Variants in TXNDC9 observed in about 807,000 individuals in gnomAD.
TXNDC9 encodes the protein thioredoxin domain-containing protein 9.
A neutral mutation model predicts 23.0 loss-of-function variants in TXNDC9; 7 were observed. The ratio of observed to expected loss-of-function variants is 0.30; its 90% CI spans 0.17 to 0.57. The LOEUF is 0.57. Ranked by LOEUF, TXNDC9 falls within the 20% of genes least tolerant of loss-of-function variation. The pLI is 0.90. For missense variants in TXNDC9, 198 were observed against 252.6 expected (o/e 0.78, Z 1.47); for synonymous variants, 72 against 90.6 (o/e 0.79, Z 1.17).
downstream of TXNDC9, among the ~76,000 whole-genome samples, chr2:99,315,791 A>G (rs1347802089): frequency 6.6e-6 from 1 of 152,222 alleles, no homozygotes; most frequent in Non-Finnish European, 1.5e-5. Context: ...CCAAACATCA[A>G]CTGACTACAA....
chr2:99,322,480 T>C, intron 3 of TXNDC9: 2 of 1,370,896 alleles, frequency 1.5e-6, no homozygotes, highest in South Asian at 1.7e-5. Context: ...CTTTAAGTCA[T>C]AAAGGAAGTT....
chr2:99,333,074 C>T lies in TXNDC9; in HGVS notation c.137G>A (p.Arg46His), dbSNP rs767681836. 9.3e-6 allele frequency: 15 copies of T among 1,613,920 alleles called. No homozygotes were observed. Among genetic ancestry groups the T allele is most frequent in the East Asian group, 6.7e-5 (3 of 44,874 alleles). Reference sequence around the variant, plus strand: ...TGCCTGGAGTCTCTTTTCTTTAAGGCGTTCCAATTCATCCTCATCCATCTG... The same window carrying T: ...TGCCTGGAGTCTCTTTTCTTTAAGGTGTTCCAATTCATCCTCATCCATCTG... ...LDQMDEDELE[R>H]LKEKRLQALR... is the part of the protein sequence containing the mutation. Residue 46 changes from arginine (R) to histidine (H), a missense_variant, in exon 2 of 5, where the codon CGC (arginine) becomes CAC (histidine). Arg to His is a conservative substitution (Grantham distance 29, BLOSUM62 0). Coordinates refer to ENST00000264255, the MANE Select transcript of TXNDC9 (RefSeq NM_005783.4).
At chr2:99,322,458 A>G (rs1159474197) in intron 3 of TXNDC9, 2 of 1,308,258 alleles carry the variant, frequency 1.5e-6, no homozygotes, top group Non-Finnish European at 2.0e-6. Context: ...CTTTTAAAAT[A>G]TTAAATATAT....
Position 99,327,128 on chromosome 2 carries a change from A to C in TXNDC9, c.308+407T>G, listed in dbSNP as rs1264990124. 2.0e-5 allele frequency among the ~76,000 whole-genome samples: 3 copies of C among 152,006 alleles called. No homozygotes were observed. In the East Asian group the frequency reaches 5.8e-4, roughly 29 times the overall value. On this transcript the variant is annotated intron_variant, in intron 3 of 4. Transcript: ENST00000264255. ...CACTCTATCGCTCGAGCTGAAGTGC[A>C]GTGTCGCGATCTCCGCTCACTGCAA... is the stretch of plus-strand genomic sequence containing the variant.
intron 2 of TXNDC9, among the ~76,000 whole-genome samples, chr2:99,330,319 A>AAAAAAAAAAAAAAAAAAAAC (rs56111573): frequency 6.9e-6 from 1 of 145,002 alleles, no homozygotes; most frequent in Non-Finnish European, 1.5e-5. Context: ...AAAAAAAAAA[A>AAAAAAAAAAAAAAAAAAAAC]GCTGCTATTT....
At chr2:99,325,977 C>A (rs548850307) in intron 3 of TXNDC9, among the ~76,000 whole-genome samples, 1 of 151,744 alleles carries the variant, frequency 6.6e-6, no homozygotes, top group African/African-American at 2.4e-5. Flanking sequence ...TGCCATTGCA[C>A]TCTAGCCTGG....
the TXNDC9 span, among the ~76,000 whole-genome samples, chr2:99,310,791 A>G: frequency 1.3e-5 from 2 of 152,166 alleles, no homozygotes; most frequent in Non-Finnish European, 2.9e-5. Context: ...TAAAAAAAAT[A>G]AACTTACATT....
chr2:99,327,084 CT>C (rs566536422), intron 3 of TXNDC9, among the ~76,000 whole-genome samples: 1 of 150,130 alleles, frequency 6.7e-6, no homozygotes, highest in Non-Finnish European at 1.5e-5. Flanking sequence ...TTTTTTCTTT[CT>C]TTTTTGAGAT....
At chr2:99,324,212 G>C (rs2094208688) in intron 3 of TXNDC9, among the ~76,000 whole-genome samples, 1 of 152,160 alleles carries the variant, frequency 6.6e-6, no homozygotes, top group African/African-American at 2.4e-5. Flanking sequence ...GAAACATACA[G>C]CTGTTCTTAT....
chr2:99,323,894 G>A lies in TXNDC9; in HGVS notation c.309-1685C>T, dbSNP rs77718717. Among the ~76,000 whole-genome samples the A allele has an allele frequency of 1.6e-3, 239 of 152,278 alleles. 4 individuals carry two copies. The East Asian group carries it at 0.041, about 26-fold the overall frequency. On this transcript the variant is annotated intron_variant, in intron 3 of 4. Coordinates refer to ENST00000264255, the MANE Select transcript of TXNDC9 (RefSeq NM_005783.4). The stretch of plus-strand genomic sequence containing the variant: ...GGACTCTCACTCTGTCACCCAGGCT[G>A]CAGTGCAGTGGCGCGATCTCGGCTC...
chr2:99,335,823 C>T (rs186995916), intron 1 of TXNDC9, among the ~76,000 whole-genome samples: 1 of 152,266 alleles, frequency 6.6e-6, no homozygotes, highest in East Asian at 1.9e-4. Context: ...GGTAAAGAGA[C>T]GATGCAACCC....
At chr2:99,316,373 A>G (rs2094189068), downstream of TXNDC9, among the ~76,000 whole-genome samples, 1 of 151,994 alleles carries the variant, frequency 6.6e-6, no homozygotes, top group South Asian at 2.1e-4. Flanking sequence ...GGGTCTCACT[A>G]TATTGCCCAG....
At chr2:99,335,556 C>A (rs1300244649) in intron 1 of TXNDC9, among the ~76,000 whole-genome samples, 2 of 151,818 alleles carry the variant, frequency 1.3e-5, no homozygotes, top group Non-Finnish European at 2.9e-5. Context: ...TCAAACACAG[C>A]AAAGATTTCC....
At chr2:99,326,016 CA>C (rs1254329878) in intron 3 of TXNDC9, among the ~76,000 whole-genome samples, 2 of 138,436 alleles carry the variant, frequency 1.4e-5, no homozygotes, top group South Asian at 2.3e-4. Flanking sequence ...GTCTCAAAAA[CA>C]AAAAAAAACA....
chr2:99,317,660 T>C (rs906601114), downstream of TXNDC9, among the ~76,000 whole-genome samples: 1 of 152,122 alleles, frequency 6.6e-6, no homozygotes, highest in Non-Finnish European at 1.5e-5. Flanking sequence ...TCATTTTTTA[T>C]AGAGACAGGG....
At position 99,319,410 on chromosome 2, in the gene TXNDC9, T is replaced by G; in HGVS notation, c.*272A>C. ...AGATCTAAAACACAATTGTAAATGG[T>G]ATAAAGATGTAAGAATCATATTGTG... On this transcript the variant is annotated 3_prime_UTR_variant, in exon 5 of 5. Transcript: ENST00000264255. 1 of 273,930 alleles carries G rather than the reference T, an allele frequency of 3.7e-6. No individual in the cohort carries two copies. Among genetic ancestry groups the G allele is most frequent in the South Asian group, 7.7e-5 (1 of 12,994 alleles). The allele number at this position is 273,930 out of a possible 1,614,324, so 17.0% of individuals were successfully genotyped here.
the TXNDC9 span, among the ~76,000 whole-genome samples, chr2:99,310,319 A>G: frequency 6.6e-6 from 1 of 152,168 alleles, no homozygotes; most frequent in Non-Finnish European, 1.5e-5. Context: ...TCTGTTGTCC[A>G]GGCTGGAATG....
chr2:99,327,908 C>T (rs1053408458), intron 2 of TXNDC9, among the ~76,000 whole-genome samples: 1 of 151,488 alleles, frequency 6.6e-6, no homozygotes, highest in Non-Finnish European at 1.5e-5. Context: ...CTTCAGCCTC[C>T]CGAGTAGCTG....
At chr2:99,311,959 A>AAAT in the TXNDC9 span, among the ~76,000 whole-genome samples, 60,690 of 151,930 alleles carry the variant, frequency 0.4, 12,866 homozygotes, top group East Asian at 0.64. Context: ...AAAAAAGGAA[A>AAAT]AATAATAATA....
Sources: allele counts gnomAD v4.1 joint callset (sites outside exome capture counted in the v4.1 genomes callset), GRCh38; gene constraint gnomAD v4.1.1; transcripts MANE v1.5; gene names NCBI Gene and HGNC (gene_info 2026-07-23, HGNC 2026-07-21).